The following RNF157 variants were observed in gnomAD, a reference collection of about 807,000 sequenced individuals.
The protein encoded by RNF157 is E3 ubiquitin ligase RNF157.
RNF157 carries 55 observed loss-of-function variants against 88.3 expected under a neutral mutation model. The observed-to-expected ratio is 0.62, with a 90% CI of 0.50 to 0.78. RNF157 has a LOEUF of 0.78. Ranked by LOEUF, RNF157 falls within the 30% of genes least tolerant of loss-of-function variation. The pLI is 0.00. For synonymous variants in RNF157, 334 were observed against 341.2 expected, an observed-to-expected ratio of 0.98 and a Z score of 0.23; for missense variants, 788 against 860.8, an observed-to-expected ratio of 0.92 and a Z score of 1.06.
At chr17:76,173,927 A>G (rs910080218) in intron 2 of RNF157, 137 bp from the exon 3 acceptor site, 3 of 706,794 alleles carry the variant, frequency 4.2e-6, no homozygotes, top group Non-Finnish European at 4.9e-6. Context: ...GAGGAAACTG[A>G]AACTCCGACA....
chr17:76,231,361 T>A (rs1489434716), intron 1 of RNF157, among the ~76,000 whole-genome samples: 1 of 152,212 alleles, frequency 6.6e-6, no homozygotes, highest in Non-Finnish European at 1.5e-5. Context: ...TTCTTAATAT[T>A]GATACACATC....
At chr17:76,154,023 A>G in intron 17 of RNF157, 1 of 451,740 alleles carries the variant, frequency 2.2e-6, no homozygotes, top group Non-Finnish European at 4.0e-6. Context: ...CTTCAGGTAA[A>G]TATGGACCTG....
At chr17:76,197,777 T>C (rs2069501992) in intron 2 of RNF157, among the ~76,000 whole-genome samples, 4 of 152,182 alleles carry the variant, frequency 2.6e-5, no homozygotes, top group Admixed American at 2.6e-4. Context: ...GCACAAGACC[T>C]AATTTTAAGA....
intron 2 of RNF157, among the ~76,000 whole-genome samples, chr17:76,196,401 T>C (rs563038941): frequency 6.6e-6 from 1 of 152,360 alleles, no homozygotes; most frequent in East Asian, 1.9e-4. Context: ...CTGGGGGTGC[T>C]GGCCATGTGC....
chr17:76,215,379 G>A (rs904456863), intron 1 of RNF157, among the ~76,000 whole-genome samples: 11 of 151,848 alleles, frequency 7.2e-5, no homozygotes, highest in Non-Finnish European at 1.0e-4. Flanking sequence ...GAAGGCTGAC[G>A]CAGAAGGGTC....
intron 1 of RNF157, among the ~76,000 whole-genome samples, chr17:76,219,744 A>G (rs185102652): frequency 2.0e-5 from 3 of 152,302 alleles, no homozygotes; most frequent in Admixed American, 2.0e-4. Context: ...TATTCCCAAG[A>G]ACTTTAAGAG....
At chr17:76,162,518 A>G (rs778418010) in intron 9 of RNF157, 34 bp downstream of exon 9, 3 of 1,538,932 alleles carry the variant, frequency 1.9e-6, no homozygotes, top group African/African-American at 2.7e-5. Context: ...GGCCTCCTGG[A>G]AAGAGTACAT....
At chr17:76,200,961 C>T (rs2069566537) in intron 2 of RNF157, among the ~76,000 whole-genome samples, 1 of 152,112 alleles carries the variant, frequency 6.6e-6, no homozygotes, top group Non-Finnish European at 1.5e-5. Context: ...CCAGACACTT[C>T]CTGGCACACA....
chr17:76,146,431 T>C lies in RNF157; in HGVS notation c.1922-1078A>G, dbSNP rs548614856. 2.7e-5 allele frequency: 27 copies of C among 984,778 alleles called. No homozygotes were observed. In the East Asian group the frequency reaches 2.6e-3, roughly 95 times the overall value. 61.0% of individuals were successfully genotyped at this position (984,778 alleles called of 1,614,324 possible). A position where few individuals can be genotyped will look rare whatever the true frequency, so the allele number is the denominator to read the frequency against. ...GTCCTCTTCATCTCCTGCCCACAGA[T>C]GAGCTCCTCCCTCCAGTGCCCTCCC... On this transcript the variant is annotated intron_variant, in intron 18 of 18. Coordinates refer to ENST00000269391, the MANE Select transcript of RNF157 (RefSeq NM_052916.3). This position sits in a 1 kb window ranked among gnomAD's most constrained non-coding sequence, Gnocchi z 4.2.
chr17:76,198,212 G>T (rs1403447363), intron 2 of RNF157, among the ~76,000 whole-genome samples: 1 of 152,206 alleles, frequency 6.6e-6, no homozygotes, highest in Non-Finnish European at 1.5e-5. Flanking sequence ...AGGACCTGGA[G>T]GATGTGTGGG....
Position 76,164,778 on chromosome 17 carries a change from G to C in RNF157, c.690C>G (p.Phe230Leu). ...GTFEKHTDGT[F>L]CVKPLKQKQV... ...GTTTCTGTTTGAGGGGCTTGACACA[G>C]AAAGTTCCATCTGTGTGCTGGAATG... The change falls in exon 8 of 19, where the codon TTC (phenylalanine) becomes TTG (leucine). Residue 230 changes from phenylalanine (F) to leucine (L), a missense_variant. Phe to Leu is a conservative substitution (Grantham distance 22). Coordinates refer to ENST00000269391, the MANE Select transcript of RNF157 (RefSeq NM_052916.3). The C allele has an allele frequency of 6.2e-7, 1 of 1,611,680 alleles. No individual in the cohort carries two copies. The highest frequency in any genetic ancestry group is 8.5e-7 in the Non-Finnish European group (1 of 1,177,966).
intron 2 of RNF157, among the ~76,000 whole-genome samples, chr17:76,183,232 C>T (rs548509715): frequency 4.7e-4 from 72 of 152,146 alleles, no homozygotes; most frequent in Admixed American, 2.0e-3. Flanking sequence ...CCACCACGCC[C>T]GGCCTCACGT....
intron 1 of RNF157, among the ~76,000 whole-genome samples, chr17:76,232,952 G>A (rs535619072): frequency 2.1e-4 from 31 of 149,486 alleles, no homozygotes; most frequent in African/African-American, 7.4e-4. Flanking sequence ...ACACAGTCTT[G>A]CTCTGTCACC....
intron 1 of RNF157, among the ~76,000 whole-genome samples, chr17:76,230,413 G>A (rs2070166946): frequency 6.6e-6 from 1 of 152,176 alleles, no homozygotes; most frequent in Admixed American, 6.6e-5. Context: ...CACTGAACAT[G>A]TGCTCTATGC....
chr17:76,240,052 G>A lies in RNF157; in HGVS notation c.88+101C>T. The A allele has an allele frequency of 1.9e-6, 1 of 529,164 alleles. No homozygotes were observed. Among genetic ancestry groups the A allele is most frequent in the Non-Finnish European group, 2.7e-6 (1 of 367,812 alleles). The allele number at this position is 529,164 out of a possible 1,614,324, so 32.8% of individuals were successfully genotyped here. A position where few individuals can be genotyped will look rare whatever the true frequency, so the allele number is the denominator to read the frequency against. On this transcript the variant is annotated intron_variant, in intron 1 of 18. Coordinates refer to ENST00000269391, the MANE Select transcript of RNF157 (RefSeq NM_052916.3). The surrounding 1 kb of genome is among the most constrained non-coding windows in gnomAD (Gnocchi z 4.4). Reference sequence around the variant, plus strand: ...CCGTTTCGGAGCGTCCGCAACCACTGAGTCCCCGAAGACCCGCGGGGCCCC... The same window carrying A: ...CCGTTTCGGAGCGTCCGCAACCACTAAGTCCCCGAAGACCCGCGGGGCCCC...
rs371151310 is a variant in RNF157, at chr17:76,155,359, C to G, written c.1699-42G>C. On this transcript the variant is annotated intron_variant, in intron 15 of 18. Transcript: ENST00000269391. Reference sequence around the variant, plus strand: ...TTTTTACAGGCTCTTCCATAAAGGTCTCGTGACAGCAAACCCAAACCTTCT... The same window carrying G: ...TTTTTACAGGCTCTTCCATAAAGGTGTCGTGACAGCAAACCCAAACCTTCT... The G allele has an allele frequency of 3.1e-6, 5 of 1,595,596 alleles. No individual in the cohort carries two copies. The African/African-American group carries it at 5.4e-5, about 17-fold the overall frequency.
intron 5 of RNF157, 123 bp from the exon 6 acceptor site, chr17:76,166,650 A>G (rs2068929896): frequency 2.5e-6 from 2 of 811,472 alleles, no homozygotes; most frequent in Admixed American, 2.5e-5. Flanking sequence ...CTCATTCTTT[A>G]GCCTTGTTAA....
At chr17:76,166,812 T>C (rs1162921822) in intron 5 of RNF157, among the ~76,000 whole-genome samples, 197 bp downstream of exon 5, 15 of 152,264 alleles carry the variant, frequency 9.9e-5, no homozygotes, top group African/African-American at 3.4e-4. Flanking sequence ...TCCTAGGGAA[T>C]GGAAAAATTA....
rs1048384505 is a variant in RNF157, at chr17:76,145,474, C to T, written c.1922-121G>A. 23 of 671,240 alleles carry T rather than the reference C, an allele frequency of 3.4e-5. 1 individual carries two copies. Among genetic ancestry groups the T allele is most frequent in the African/African-American group, 1.1e-4 (6 of 56,300 alleles). 41.6% of individuals were successfully genotyped at this position (671,240 alleles called of 1,614,324 possible). On this transcript the variant is annotated intron_variant, in intron 18 of 18. Transcript: ENST00000269391. ...GCAGGATGCGTGTCACCTGAGACTCCGATGACGGTGCGAGCCACAGCACTC... is the reference window on the plus strand; with the variant it reads ...GCAGGATGCGTGTCACCTGAGACTCTGATGACGGTGCGAGCCACAGCACTC...
Sources: gnomAD v4.1 joint callset for allele counts (sites outside exome capture counted in the v4.1 genomes callset) on GRCh38, gnomAD v4.1.1 for gene constraint, Gnocchi (gnomAD v3.1) non-coding constraint, MANE v1.5 for transcripts, NCBI Gene and HGNC (gene_info 2026-07-23, HGNC 2026-07-21) for gene names.